CDH8: variants seen among roughly 807,000 people sequenced by gnomAD.
CDH8 encodes the protein cadherin 8.
Under a neutral mutation model 68.1 loss-of-function variants are expected in CDH8, and 17 were observed. The observed-to-expected ratio is 0.25, with a 90% confidence interval of 0.17 to 0.37. CDH8 has a LOEUF of 0.37. Ranked by LOEUF, CDH8 falls within the 10% of genes least tolerant of loss-of-function variation. The probability of loss-of-function intolerance (pLI) is 1.00; values close to 1 mark genes in which losing one functional copy is unlikely to be tolerated. For synonymous variants in CDH8, 372 were observed against 365.1 expected (o/e 1.02, Z -0.21); for missense variants, 763 against 999.3 (o/e 0.76, Z 3.19).
At chr16:61,941,961 G>A (rs1184477778) in intron 2 of CDH8, among the ~76,000 whole-genome samples, 1 of 151,900 alleles carries the variant, frequency 6.6e-6, no homozygotes, top group Non-Finnish European at 1.5e-5. Context: ...TTAGTAAATG[G>A]CCATACCATC....
intron 2 of CDH8, among the ~76,000 whole-genome samples, chr16:61,915,669 G>A (rs1443226787): frequency 2.0e-5 from 3 of 152,126 alleles, no homozygotes; most frequent in South Asian, 2.1e-4. Context: ...ATAGTCTTGC[G>A]AAGTTAAATC....
chr16:61,785,107 T>C (rs962198806), intron 8 of CDH8, among the ~76,000 whole-genome samples: 1 of 138,498 alleles, frequency 7.2e-6, no homozygotes, highest in Non-Finnish European at 1.6e-5. Flanking sequence ...CTGAAGGAAA[T>C]AGAGACACAA....
At chr16:61,759,256 G>A (rs768952817) in intron 8 of CDH8, among the ~76,000 whole-genome samples, 2 of 152,118 alleles carry the variant, frequency 1.3e-5, no homozygotes, top group Non-Finnish European at 2.9e-5. Flanking sequence ...AATGCTGCCA[G>A]ACTCCCAAAC....
chr16:61,657,260 C>G (rs1963466411), intron 10 of CDH8, among the ~76,000 whole-genome samples: 1 of 151,932 alleles, frequency 6.6e-6, no homozygotes, highest in Non-Finnish European at 1.5e-5. Flanking sequence ...TACCATATAG[C>G]ACTATACTAG....
chr16:61,665,752 T>TTTCCTTCCTTCCTTCCTTCCTTCCTTCC (rs35414891), intron 10 of CDH8, among the ~76,000 whole-genome samples: 2 of 99,740 alleles, frequency 2.0e-5, no homozygotes, highest in African/African-American at 3.9e-5. Flanking sequence ...CTGAATTTAT[T>TTTCCTTCCTTCCTTCCTTCCTTCCTTCC]TTCCTTCCTT....
intron 1 of CDH8, among the ~76,000 whole-genome samples, chr16:62,029,166 T>C (rs1902266121): frequency 6.6e-6 from 1 of 152,168 alleles, no homozygotes; most frequent in Non-Finnish European, 1.5e-5. Context: ...CTTTGAAAGA[T>C]TAAGGAAGAA....
chr16:61,682,611 C>T (rs1485764959), intron 10 of CDH8, among the ~76,000 whole-genome samples: 1 of 151,406 alleles, frequency 6.6e-6, no homozygotes, highest in African/African-American at 2.4e-5. Context: ...TGTTTTTCCT[C>T]AATTATTACT....
At chr16:61,973,125 G>A in intron 2 of CDH8, among the ~76,000 whole-genome samples, 1 of 152,110 alleles carries the variant, frequency 6.6e-6, no homozygotes, top group East Asian at 1.9e-4. Flanking sequence ...CCCACCGAGT[G>A]TAACTCTCTG....
intron 3 of CDH8, among the ~76,000 whole-genome samples, chr16:61,899,715 C>G (rs1454218979): frequency 6.6e-6 from 1 of 152,138 alleles, no homozygotes; most frequent in Non-Finnish European, 1.5e-5. Context: ...AGGATATTCT[C>G]TTTCTCAGAA....
chr16:61,931,154 CTTTTG>C (rs551323255), intron 2 of CDH8, among the ~76,000 whole-genome samples: 128 of 151,804 alleles, frequency 8.4e-4, no homozygotes, highest in African/African-American at 2.4e-3. Context: ...TCATGAGGAC[CTTTTG>C]TTTTGTTTTG....
At chr16:62,010,947 A>AC (rs1195181208) in intron 2 of CDH8, among the ~76,000 whole-genome samples, 1 of 151,620 alleles carries the variant, frequency 6.6e-6, no homozygotes, top group Non-Finnish European at 1.5e-5. Context: ...CCATTTCAAA[A>AC]AAAAAAAACA....
intron 4 of CDH8, 55 bp downstream of exon 4, chr16:61,857,063 AG>A (rs1200983161): frequency 3.3e-5 from 53 of 1,601,664 alleles, no homozygotes; most frequent in Non-Finnish European, 4.5e-5. Context: ...TCCCAAGAAA[AG>A]CATTTCCCTG....
At chr16:61,691,590 TC>T (rs79755243) in intron 10 of CDH8, among the ~76,000 whole-genome samples, 20,747 of 151,740 alleles carry the variant, frequency 0.14, 1,460 homozygotes, top group Non-Finnish European at 0.15. Context: ...TGGAGTACGA[TC>T]TTTAGTAGGA....
At chr16:61,930,493 A>G (rs1964525480) in intron 2 of CDH8, among the ~76,000 whole-genome samples, 1 of 152,154 alleles carries the variant, frequency 6.6e-6, no homozygotes, top group Admixed American at 6.5e-5. Flanking sequence ...TAGATGGCCT[A>G]TTTGTCAGTG....
intron 10 of CDH8, among the ~76,000 whole-genome samples, chr16:61,674,014 A>G (rs1963846639): frequency 6.6e-6 from 1 of 152,152 alleles, no homozygotes; most frequent in Non-Finnish European, 1.5e-5. Context: ...GTGGAAATAT[A>G]TGTTGAATGA....
At chr16:62,032,753 T>A (rs576167774) in intron 1 of CDH8, among the ~76,000 whole-genome samples, 1 of 152,290 alleles carries the variant, frequency 6.6e-6, no homozygotes, top group East Asian at 1.9e-4. Flanking sequence ...GAATGTCACT[T>A]TACCCCTTGA....
intron 4 of CDH8, among the ~76,000 whole-genome samples, chr16:61,836,381 C>A (rs1350802454): frequency 6.6e-6 from 1 of 151,906 alleles, no homozygotes; most frequent in Admixed American, 6.6e-5. Flanking sequence ...ACAGCACTTA[C>A]CCCAAAATAT....
In CDH8 at chr16:61,985,824, G is replaced by A. The variant is rs184520551; in HGVS notation, c.252+35328C>T. On this transcript the variant is annotated intron_variant, in intron 2 of 11. Transcript: ENST00000577390. ...AAACATTGAAGCAATAATGTTTTTA[G>A]TGGATTTTTCTCAACCTTTGCATTA... is the stretch of plus-strand genomic sequence containing the variant. Among the ~76,000 whole-genome samples, 10 of 151,220 alleles carry A rather than the reference G, an allele frequency of 6.6e-5. No homozygotes were observed. In the East Asian group the frequency reaches 2.0e-3, roughly 30 times the overall value.
intron 3 of CDH8, among the ~76,000 whole-genome samples, chr16:61,884,264 C>T (rs1389793955): frequency 6.6e-6 from 1 of 152,266 alleles, no homozygotes; most frequent in East Asian, 1.9e-4. Flanking sequence ...CCAACTCCTT[C>T]TCTTCCTCCT....
Sources: allele counts gnomAD v4.1 joint callset (sites outside exome capture counted in the v4.1 genomes callset), GRCh38; gene constraint gnomAD v4.1.1; transcripts MANE v1.5; gene names NCBI Gene and HGNC (gene_info 2026-07-23, HGNC 2026-07-21).